The following TMEFF2 variants were observed in gnomAD, a reference collection of about 807,000 sequenced individuals.
TMEFF2 encodes transmembrane protein with EGF like and two follistatin like domains 2.
Under a neutral mutation model 53.8 loss-of-function variants are expected in TMEFF2, and 28 were observed. The observed-to-expected ratio is 0.52, with a 90% CI of 0.39 to 0.71. The LOEUF is 0.71. Among genes scored for constraint, TMEFF2 ranks in the 30% least tolerant of loss-of-function variants. The probability of loss-of-function intolerance (pLI) is 0.00; values close to 1 mark genes in which losing one functional copy is unlikely to be tolerated. For synonymous variants in TMEFF2, 162 were observed against 166.3 expected, an observed-to-expected ratio of 0.97 and a Z score of 0.20; for missense variants, 353 against 455.2, an observed-to-expected ratio of 0.78 and a Z score of 2.04.
chr2:191,960,916 G>C (rs142518405), intron 7 of TMEFF2, among the ~76,000 whole-genome samples: 1 of 151,956 alleles, frequency 6.6e-6, no homozygotes, highest in East Asian at 1.9e-4. Context: ...AATGTATATC[G>C]GTTAGATTAC....
intron 5 of TMEFF2, chr2:192,037,204 A>G (rs901336788): frequency 1.3e-5 from 2 of 151,214 alleles, no homozygotes; most frequent in Non-Finnish European, 2.9e-5. Flanking sequence ...CACTTTTACT[A>G]TATAGCAAAT....
At chr2:192,081,165 G>A (rs531428802) in intron 4 of TMEFF2, among the ~76,000 whole-genome samples, 14 of 152,280 alleles carry the variant, frequency 9.2e-5, no homozygotes, top group African/African-American at 3.1e-4. Context: ...GATACGCTTT[G>A]TTTTTCTAGT....
chr2:191,965,505 C>A (rs187190765), intron 7 of TMEFF2, among the ~76,000 whole-genome samples: 1 of 152,122 alleles, frequency 6.6e-6, no homozygotes, highest in Non-Finnish European at 1.5e-5. Context: ...GAAGAGAAAA[C>A]GTGAGTACAT....
chr2:192,144,422 C>A lies in TMEFF2; in HGVS notation c.439+35246G>T, dbSNP rs548021689. Among the ~76,000 whole-genome samples, 10 of 152,184 alleles carry A rather than the reference C, an allele frequency of 6.6e-5. No individual in the cohort carries two copies. In the East Asian group the frequency reaches 1.9e-3, roughly 29 times the overall value. ...CATCCAGACTCATACTCATCCCATA[C>A]CCATCTCTAAGTATCACGCTCTATT... is the stretch of plus-strand genomic sequence containing the variant. On this transcript the variant is annotated intron_variant, in intron 4 of 9. Coordinates refer to ENST00000272771, the MANE Select transcript of TMEFF2 (RefSeq NM_016192.4).
chr2:192,131,551 TCCACACCCCAAC>T (rs1559139536), intron 4 of TMEFF2, among the ~76,000 whole-genome samples: 2 of 152,000 alleles, frequency 1.3e-5, no homozygotes, highest in African/African-American at 2.4e-5. Context: ...ATCCCTTATT[TCCACACCCCAAC>T]CTCTTATCTC....
At chr2:192,032,903 T>C (rs1274014892) in intron 5 of TMEFF2, among the ~76,000 whole-genome samples, 1 of 152,228 alleles carries the variant, frequency 6.6e-6, no homozygotes, top group Non-Finnish European at 1.5e-5. Context: ...GTTGTTTTTT[T>C]CTCTAACAAC....
At chr2:192,156,708 C>T (rs1264016237) in intron 4 of TMEFF2, among the ~76,000 whole-genome samples, 3 of 151,942 alleles carry the variant, frequency 2.0e-5, no homozygotes, top group Non-Finnish European at 4.4e-5. Flanking sequence ...CTCTCAAATC[C>T]GATTCCGAAT....
chr2:191,964,354 T>C (rs1405919140), intron 7 of TMEFF2, among the ~76,000 whole-genome samples: 2 of 104,634 alleles, frequency 1.9e-5, no homozygotes, highest in African/African-American at 8.6e-5. Context: ...CTTTCTTTCT[T>C]TCTTTCTTTC....
intron 2 of TMEFF2, among the ~76,000 whole-genome samples, chr2:192,190,210 T>C (rs879318254): frequency 5.4e-5 from 8 of 148,894 alleles, no homozygotes; most frequent in East Asian, 2.0e-4. Flanking sequence ...TGTCAACCCC[T>C]TTTTTTTTTC....
chr2:192,113,304 G>C (rs951506394), intron 4 of TMEFF2, among the ~76,000 whole-genome samples: 2 of 152,118 alleles, frequency 1.3e-5, no homozygotes, highest in African/African-American at 4.8e-5. Flanking sequence ...AGGTTGAGTA[G>C]ACAAGTCTGC....
At chr2:191,969,101 G>A (rs12104787) in intron 7 of TMEFF2, among the ~76,000 whole-genome samples, 1 of 149,458 alleles carries the variant, frequency 6.7e-6, no homozygotes, top group East Asian at 2.0e-4. Flanking sequence ...ATATGTTTGT[G>A]TATATATGTA....
chr2:191,951,125 CAT>C (rs563220755), intron 9 of TMEFF2, among the ~76,000 whole-genome samples: 107 of 151,962 alleles, frequency 7.0e-4, no homozygotes, highest in African/African-American at 2.5e-3. Context: ...TATACATACA[CAT>C]ATATATCACG....
chr2:192,033,411 A>C (rs1032788791), intron 5 of TMEFF2, among the ~76,000 whole-genome samples: 2 of 152,180 alleles, frequency 1.3e-5, no homozygotes, highest in Non-Finnish European at 2.9e-5. Context: ...AGAAATTTGC[A>C]TAAGGCCACA....
intron 5 of TMEFF2, among the ~76,000 whole-genome samples, chr2:192,013,965 T>G (rs1686691731): frequency 6.6e-6 from 1 of 152,200 alleles, no homozygotes; most frequent in Admixed American, 6.5e-5. Flanking sequence ...GATCTAGACA[T>G]AAAGTTTAGA....
At chr2:192,192,520 T>A (rs1691488042) in intron 1 of TMEFF2, among the ~76,000 whole-genome samples, 1 of 152,160 alleles carries the variant, frequency 6.6e-6, no homozygotes, top group Admixed American at 6.5e-5. Context: ...GTGTTTTCTG[T>A]GATGGTCTGT....
chr2:192,193,425 A>C (rs1359724399), intron 1 of TMEFF2, among the ~76,000 whole-genome samples: 1 of 152,186 alleles, frequency 6.6e-6, no homozygotes, highest in African/African-American at 2.4e-5. Flanking sequence ...AGGAAGCTTC[A>C]GCAGAGCGAA....
chr2:191,955,144 G>C (rs1243009842), intron 8 of TMEFF2, among the ~76,000 whole-genome samples: 10 of 100,108 alleles, frequency 1.0e-4, no homozygotes, highest in Admixed American at 1.1e-4. Context: ...GGGGCGGGGA[G>C]GGGGGAGGGA....
chr2:192,029,588 C>T (rs187207791), intron 5 of TMEFF2, among the ~76,000 whole-genome samples: 37 of 152,264 alleles, frequency 2.4e-4, no homozygotes, highest in Non-Finnish European at 4.4e-4. Flanking sequence ...GAAGATGCTA[C>T]GTAATCTAGG....
intron 4 of TMEFF2, among the ~76,000 whole-genome samples, chr2:192,109,168 A>G (rs1689218709): frequency 6.6e-6 from 1 of 152,060 alleles, no homozygotes; most frequent in African/African-American, 2.4e-5. Flanking sequence ...AAAATGGCAA[A>G]TTTTATGTCA....
Sources: allele counts gnomAD v4.1 joint callset (sites outside exome capture counted in the v4.1 genomes callset), GRCh38; gene constraint gnomAD v4.1.1; transcripts MANE v1.5; gene names NCBI Gene and HGNC (gene_info 2026-07-23, HGNC 2026-07-21).